The following ATXN2 variants were observed in gnomAD, a reference collection of about 807,000 sequenced individuals.
ATXN2 encodes the protein ataxin 2.
Under a neutral mutation model 138.6 loss-of-function variants are expected in ATXN2, and 37 were observed. The ratio of observed to expected loss-of-function variants is 0.27; its 90% CI spans 0.21 to 0.35. The LOEUF (loss-of-function observed/expected upper bound fraction) is 0.35. Ranked by LOEUF, ATXN2 falls within the 10% of genes least tolerant of loss-of-function variation. The pLI is 1.00. For synonymous variants in ATXN2, 549 were observed against 543.7 expected (o/e 1.01, Z -0.13); for missense variants, 1,216 against 1,480.3 (o/e 0.82, Z 2.93).
chr12:111,579,424 G>A (rs1307336522), intron 1 of ATXN2, among the ~76,000 whole-genome samples: 2 of 152,024 alleles, frequency 1.3e-5, no homozygotes, highest in Admixed American at 6.6e-5. Flanking sequence ...CACCACGCCT[G>A]GCTAATTTTG....
At chr12:111,577,868 G>A (rs1031012190) in intron 1 of ATXN2, among the ~76,000 whole-genome samples, 1 of 151,906 alleles carries the variant, frequency 6.6e-6, no homozygotes, top group African/African-American at 2.4e-5. Flanking sequence ...GATTGCTGGA[G>A]CCCAGGAGTT....
At chr12:111,457,528 G>T (rs1875203890) in intron 21 of ATXN2, 169 bp from the exon 22 acceptor site, 8 of 696,426 alleles carry the variant, frequency 1.1e-5, no homozygotes, top group African/African-American at 1.8e-5. Flanking sequence ...GAAAAAATAA[G>T]TGTAGCTATT....
chr12:111,586,388 G>GTT (rs759694846), intron 1 of ATXN2, among the ~76,000 whole-genome samples: 50 of 114,854 alleles, frequency 4.4e-4, no homozygotes, highest in Admixed American at 8.6e-4. Flanking sequence ...CCCAAGTCTG[G>GTT]TTTTTTTTTT....
chr12:111,457,219 C>A lies in ATXN2; in HGVS notation c.3037G>T (p.Val1013Phe). 6.2e-7 allele frequency: 1 copy of A among 1,612,914 alleles called. No individual in the cohort carries two copies. The highest frequency in any genetic ancestry group is 8.5e-7 in the Non-Finnish European group (1 of 1,179,426). ...GACCTCTGAGTTGCCCTTACCTGAA[C>A]AGGACTGGGTGCAGGATGACTTCCA... ...HGGSHPAPSP[V>F]QHHQHQAAQA... is the part of the protein sequence containing the mutation. Residue 1013 changes from valine (V) to phenylalanine (F), a missense_variant, in exon 22 of 25, where the codon GTT (valine) becomes TTT (phenylalanine). This residue lies in a region of ATXN2 where 490 missense variants were observed against 653.5 expected (regional missense o/e 0.75). Coordinates refer to ENST00000673436, the MANE Select transcript of ATXN2 (RefSeq NM_001372574.1).
intron 1 of ATXN2, among the ~76,000 whole-genome samples, chr12:111,591,263 G>A (rs997004270): frequency 6.6e-6 from 1 of 152,066 alleles, no homozygotes; most frequent in Non-Finnish European, 1.5e-5. Flanking sequence ...GGTCCCTAGT[G>A]TTAAAAAGGT....
At chr12:111,455,696 T>A (rs1226705199) in intron 23 of ATXN2, 1 of 398,816 alleles carries the variant, frequency 2.5e-6, no homozygotes, top group Non-Finnish European at 4.7e-6. Flanking sequence ...GGGGAATATA[T>A]ATGTACACAT....
intron 5 of ATXN2, among the ~76,000 whole-genome samples, chr12:111,541,805 T>C (rs1448077598): frequency 1.4e-5 from 2 of 147,934 alleles, no homozygotes; most frequent in African/African-American, 4.9e-5. Context: ...TAAAAATTTT[T>C]TTTTTTTTGA....
intron 5 of ATXN2, among the ~76,000 whole-genome samples, chr12:111,540,643 C>T (rs1881447829): frequency 6.7e-6 from 1 of 149,718 alleles, no homozygotes; most frequent in Admixed American, 6.7e-5. Context: ...TCTACTTTTC[C>T]CAGTTTGTGG....
intron 8 of ATXN2, 79 bp downstream of exon 8, chr12:111,519,800 A>C: frequency 1.9e-6 from 3 of 1,597,810 alleles, no homozygotes; most frequent in Non-Finnish European, 2.6e-6. Flanking sequence ...AGGAAGAGGA[A>C]ATATAATAAC....
At chr12:111,486,680 G>A in intron 16 of ATXN2, 81 bp downstream of exon 16, 2 of 1,181,214 alleles carry the variant, frequency 1.7e-6, no homozygotes, top group Non-Finnish European at 2.5e-6. Context: ...AAATTCAGAT[G>A]GCAGGTATGG....
At position 111,555,835 on chromosome 12, in the gene ATXN2, T is replaced by C. The variant is rs1882360408; in HGVS notation, c.288+48A>G. On this transcript the variant is annotated intron_variant, in intron 2 of 24. Transcript: ENST00000673436. ...GCATTTGGTCTGTGGTTAGAGATCATGTTTTAGCTACTAATTTTCCCCAAT... is the reference window on the plus strand; with the variant it reads ...GCATTTGGTCTGTGGTTAGAGATCACGTTTTAGCTACTAATTTTCCCCAAT... 3 of 1,499,588 alleles carry C rather than the reference T, an allele frequency of 2.0e-6. 1 individual carries two copies. In the South Asian group the frequency reaches 3.6e-5, roughly 18 times the overall value. 92.9% of individuals were successfully genotyped at this position (1,499,588 alleles called of 1,614,324 possible). A position where few individuals can be genotyped will look rare whatever the true frequency, so the allele number is the denominator to read the frequency against.
At chr12:111,573,565 CAA>C (rs1393339217) in intron 1 of ATXN2, among the ~76,000 whole-genome samples, 1 of 152,192 alleles carries the variant, frequency 6.6e-6, no homozygotes, top group African/African-American at 2.4e-5. Flanking sequence ...TATTAAAAAG[CAA>C]AGACTTTGAA....
intron 1 of ATXN2, among the ~76,000 whole-genome samples, chr12:111,589,818 C>A (rs1236859659): frequency 1.1e-4 from 17 of 152,190 alleles, no homozygotes; most frequent in African/African-American, 3.6e-4. Context: ...ACTCAGGAGG[C>A]TGAGATAGGA....
At chr12:111,597,989 G>A in intron 1 of ATXN2, 1 of 1,205,970 alleles carries the variant, frequency 8.3e-7, no homozygotes. Context: ...GCGCGCCGGA[G>A]AGGTCTGGCG....
In ATXN2 at chr12:111,489,343, G is replaced by A. The variant is rs1455793873; in HGVS notation, c.1936-563C>T. ...AATAGCACCAATGGGGGCCGGGCAC[G>A]GTGGCTCACGCCTGTAATCCCAGCA... On this transcript the variant is annotated intron_variant, in intron 14 of 24. Transcript: ENST00000673436. Among the ~76,000 whole-genome samples the A allele has an allele frequency of 1.3e-4, 20 of 152,126 alleles. 1 individual carries two copies. The highest frequency in any genetic ancestry group is 6.5e-4 in the Admixed American group (10 of 15,268).
chr12:111,585,801 CAAAAAAA>C (rs761433806), intron 1 of ATXN2, among the ~76,000 whole-genome samples: 2 of 24,772 alleles, frequency 8.1e-5, no homozygotes, highest in Non-Finnish European at 3.8e-4. Flanking sequence ...AACTCCATCT[CAAAAAAA>C]AAAAAAAAAA....
intron 1 of ATXN2, among the ~76,000 whole-genome samples, chr12:111,565,074 GT>G (rs1427951817): frequency 6.6e-6 from 1 of 151,752 alleles, no homozygotes; most frequent in Non-Finnish European, 1.5e-5. Context: ...TTTTCATGAA[GT>G]TTTATGTACA....
intron 1 of ATXN2, among the ~76,000 whole-genome samples, chr12:111,591,349 C>T (rs922321202): frequency 2.7e-5 from 4 of 150,574 alleles, no homozygotes; most frequent in Admixed American, 6.6e-5. Context: ...AGGGAGGGGC[C>T]CCAGAACTTA....
chr12:111,598,468 G>A lies in ATXN2; in HGVS notation c.251+316C>T, dbSNP rs1313147478. On this transcript the variant is annotated intron_variant, in intron 1 of 24. Coordinates refer to ENST00000673436, the MANE Select transcript of ATXN2 (RefSeq NM_001372574.1). The surrounding 1 kb of genome is among the most constrained non-coding windows in gnomAD (Gnocchi z 4.5). ...GGATCGTGCGGAAGGGGGAGCCGGG[G>A]CTGACCATCGCCGCTACCCGAGAAC... The A allele has an allele frequency of 5.3e-5, 52 of 985,150 alleles. No individual in the cohort carries two copies. The highest frequency in any genetic ancestry group is 6.2e-5 in the Admixed American group (1 of 16,254). 61.0% of individuals were successfully genotyped at this position (985,150 alleles called of 1,614,324 possible). A position where few individuals can be genotyped will look rare whatever the true frequency, so the allele number is the denominator to read the frequency against.
Sources: gnomAD v4.1 joint callset for allele counts (sites outside exome capture counted in the v4.1 genomes callset) on GRCh38, gnomAD v4.1.1 for gene constraint, gnomAD v4.1.1 regional missense constraint, Gnocchi (gnomAD v3.1) non-coding constraint, MANE v1.5 for transcripts, NCBI Gene and HGNC (gene_info 2026-07-23, HGNC 2026-07-21) for gene names.